GATA2: variants seen among roughly 807,000 people sequenced by gnomAD.
GATA2 encodes the protein endothelial transcription factor GATA-2.
In GATA2, 6 loss-of-function variants were observed where a neutral mutation model predicts 35.7. The ratio of observed to expected loss-of-function variants is 0.17; its 90% CI spans 0.09 to 0.33. The LOEUF is 0.33. Ranked by LOEUF, GATA2 falls within the 10% of genes least tolerant of loss-of-function variation. The probability of loss-of-function intolerance (pLI) is 1.00; values close to 1 mark genes in which losing one functional copy is unlikely to be tolerated. For missense variants in GATA2, 541 were observed against 656.6 expected (o/e 0.82, Z 1.92); for synonymous variants, 313 against 274.9 (o/e 1.14, Z -1.37).
chr3:128,480,826 T>G lies in GATA2; in HGVS notation c.*193A>C. ...AAACCCCACCTGGGCAGCGGTCAGGTGCGGAGGCAGCCTCTCAGCGGTGGG... is the reference window on the plus strand; with the variant it reads ...AAACCCCACCTGGGCAGCGGTCAGGGGCGGAGGCAGCCTCTCAGCGGTGGG... On this transcript the variant is annotated 3_prime_UTR_variant, in exon 6 of 6. Coordinates refer to ENST00000341105, the MANE Select transcript of GATA2 (RefSeq NM_032638.5). 1 of 621,872 alleles carries G rather than the reference T, an allele frequency of 1.6e-6. No individual in the cohort carries two copies. The highest frequency in any genetic ancestry group is 2.4e-5 in the South Asian group (1 of 41,480). 38.5% of individuals were successfully genotyped at this position (621,872 alleles called of 1,614,324 possible).
chr3:128,480,196 G>A lies in GATA2; in HGVS notation c.*823C>T, dbSNP rs1259627706. 1 of 233,192 alleles carries A rather than the reference G, an allele frequency of 4.3e-6. No individual in the cohort carries two copies. The highest frequency in any genetic ancestry group is 5.6e-5 in the Admixed American group (1 of 17,782). 14.4% of individuals were successfully genotyped at this position (233,192 alleles called of 1,614,324 possible). A position where few individuals can be genotyped will look rare whatever the true frequency, so the allele number is the denominator to read the frequency against. On this transcript the variant is annotated 3_prime_UTR_variant, in exon 6 of 6. Transcript: ENST00000341105. The stretch of plus-strand genomic sequence containing the variant: ...TTTTTCTTTTGTCTCAGAGTAGGAG[G>A]CGAGGGGGTTGAAGGGTTAGCAGAA...
rs369407958 is a variant in GATA2 at position 128,481,086 on chromosome 3, A to T, written c.1376T>A (p.Ile459Asn). 2.5e-6 allele frequency: 4 copies of T among 1,608,412 alleles called. No individual in the cohort carries two copies. The highest frequency in any genetic ancestry group is 2.7e-5 in the African/African-American group (2 of 74,828). Residue 459 changes from isoleucine (I) to asparagine (N), a missense_variant, in exon 6 of 6, where the codon ATC (isoleucine) becomes AAC (asparagine). By Grantham distance (149) the Ile-to-Asn change is moderately radical (BLOSUM62 -3). Around this residue, in one of 5 missense-constraint regions of GATA2, gnomAD observed 95 missense variants for 114.0 expected, o/e 0.83. Transcript: ENST00000341105. ...SGHILPTPTPIHPSSSLSFGH... is the reference protein window; with the variant it reads ...SGHILPTPTPNHPSSSLSFGH... ...GAAGGAGAGGCTGGAGGAGGGGTGG[A>T]TGGGCGTCGGAGTGGGCAGGATGTG...
rs367955980 is a variant in GATA2, at chr3:128,485,784, C to G, written c.814G>C (p.Gly272Arg). Residue 272 changes from glycine to arginine, a missense_variant, in exon 3 of 6, where the codon GGG (glycine) becomes CGG (arginine). Gly to Arg is a moderately radical substitution (Grantham distance 125). Coordinates refer to ENST00000341105, the MANE Select transcript of GATA2 (RefSeq NM_032638.5). ...GGGGTGAAGCTGGAGGCCGGTCCCCCCAGGAAGCCTCCGGGGTGGAAGAGT... is the reference window on the plus strand; with the variant it reads ...GGGGTGAAGCTGGAGGCCGGTCCCCGCAGGAAGCCTCCGGGGTGGAAGAGT... ...SGLFHPGGFL[G>R]GPASSFTPKQ... 4 of 1,614,000 alleles carry G rather than the reference C, an allele frequency of 2.5e-6. No homozygotes were observed. The highest frequency in any genetic ancestry group is 2.2e-5 in the East Asian group (1 of 44,876).
chr3:128,484,568 G>A (rs1576747425), intron 3 of GATA2, among the ~76,000 whole-genome samples: 1 of 152,090 alleles, frequency 6.6e-6, no homozygotes. Flanking sequence ...GGAAATAATG[G>A]ATCGAAGTTG....
At chr3:128,483,058 C>T (rs2068651017) in intron 4 of GATA2, among the ~76,000 whole-genome samples, 1 of 152,232 alleles carries the variant, frequency 6.6e-6, no homozygotes, top group Non-Finnish European at 1.5e-5. Context: ...ACGCCGCGTC[C>T]TCCACCTCTA....
rs185363833 is a variant in GATA2, at chr3:128,488,744, G to A, written c.-45-1668C>T. Among the ~76,000 whole-genome samples, 10 of 152,226 alleles carry A rather than the reference G, an allele frequency of 6.6e-5. No individual in the cohort carries two copies. The East Asian group carries it at 1.2e-3, about 18-fold the overall frequency. On this transcript the variant is annotated intron_variant, in intron 1 of 5. Coordinates refer to ENST00000341105, the MANE Select transcript of GATA2 (RefSeq NM_032638.5). The surrounding 1 kb of genome is among the most constrained non-coding windows in gnomAD (Gnocchi z 5.8). ...AGGTGGCCTCTGGTGAGGGGGAGGCGGTGGTCTGAGGTCTCCGTCTTCTAA... is the reference window on the plus strand; with the variant it reads ...AGGTGGCCTCTGGTGAGGGGGAGGCAGTGGTCTGAGGTCTCCGTCTTCTAA...
At chr3:128,491,932 C>T (rs1347857548) in intron 1 of GATA2, 1 of 152,230 alleles carries the variant, frequency 6.6e-6, no homozygotes, top group African/African-American at 2.4e-5. Context: ...TCGTTAGGCA[C>T]AATTTGTCTG....
At chr3:128,490,654 C>G (rs1172675666) in intron 1 of GATA2, 3 of 152,236 alleles carry the variant, frequency 2.0e-5, no homozygotes, top group Non-Finnish European at 4.4e-5. Context: ...TCGACAATGT[C>G]TGTGTGTGCC....
In GATA2 at chr3:128,481,935, T is replaced by C; in HGVS notation, c.1027A>G (p.Arg343Gly). 1 of 1,613,522 alleles carries C rather than the reference T, an allele frequency of 6.2e-7. No homozygotes were observed. The highest frequency in any genetic ancestry group is 2.2e-5 in the East Asian group (1 of 44,854). ...IKPKRRLSAARRAGTCCANCQ... is the reference protein window; with the variant it reads ...IKPKRRLSAAGRAGTCCANCQ... ...TTTGCACAACAGGTGCCGGCTCTTCTGGCGGCCGACTGGGAGGGCAAGGCA... is the reference window on the plus strand; with the variant it reads ...TTTGCACAACAGGTGCCGGCTCTTCCGGCGGCCGACTGGGAGGGCAAGGCA... Residue 343 changes from arginine to glycine, a missense_variant, in exon 5 of 6, where the codon AGA becomes GGA. Physicochemically the swap from Arg to Gly is moderately radical, Grantham distance 125. Coordinates refer to ENST00000341105, the MANE Select transcript of GATA2 (RefSeq NM_032638.5).
At position 128,488,506 on chromosome 3, in the gene GATA2, C is replaced by G. The variant is rs529078261; in HGVS notation, c.-45-1430G>C. The G allele has an allele frequency of 6.6e-6, 1 of 152,344 alleles. No individual in the cohort carries two copies. The highest frequency in any genetic ancestry group is 2.4e-5 in the African/African-American group (1 of 41,450). The allele number at this position is 152,344 out of a possible 1,614,324, so 9.4% of individuals were successfully genotyped here. ...GGCACCTGGGCCTCGGACACGCGGCCGCTCAGGGCTGTGCTTGACCCAGTG... is the reference window on the plus strand; with the variant it reads ...GGCACCTGGGCCTCGGACACGCGGCGGCTCAGGGCTGTGCTTGACCCAGTG... On this transcript the variant is annotated intron_variant, in intron 1 of 5. Transcript: ENST00000341105. This position sits in a 1 kb window ranked among gnomAD's most constrained non-coding sequence, Gnocchi z 5.8.
At chr3:128,486,423 G>A (rs909297851) in intron 2 of GATA2, 55 bp from the exon 3 acceptor site, 10 of 1,562,718 alleles carry the variant, frequency 6.4e-6, no homozygotes, top group Admixed American at 3.7e-5. Context: ...GGTAGGCAGA[G>A]CTAGGGACGC....
chr3:128,491,911 G>T (rs2068772919), intron 1 of GATA2: 1 of 152,242 alleles, frequency 6.6e-6, no homozygotes, highest in Non-Finnish European at 1.5e-5. Flanking sequence ...CTGACAACTG[G>T]TAAATCCGTT....
chr3:128,482,085 C>T (rs2068638243), intron 4 of GATA2, 141 bp from the exon 5 acceptor site: 3 of 1,081,790 alleles, frequency 2.8e-6, no homozygotes, highest in South Asian at 1.5e-5. Context: ...CATCTCAGAA[C>T]CATGGAATTT....
At chr3:128,486,588 C>A (rs1009979946) in intron 2 of GATA2, among the ~76,000 whole-genome samples, 2 of 152,170 alleles carry the variant, frequency 1.3e-5, no homozygotes, top group Non-Finnish European at 2.9e-5. Flanking sequence ...ACAGACCCTA[C>A]AGGGAACCCT....
Position 128,486,123 on chromosome 3 carries a change from G to A in GATA2, c.475C>T (p.Leu159Phe). The part of the protein sequence containing the change: ...GGGSGSSVAS[L>F]TPTAAHSGSH... ...CCAGAGTGGGCTGCTGTAGGGGTGA[G>A]GGAGGCCACTGAGCTCCCGCTGCCT... The change falls in exon 3 of 6, where the codon CTC becomes TTC. Residue 159 changes from leucine (L) to phenylalanine (F), a missense_variant. Coordinates refer to ENST00000341105, the MANE Select transcript of GATA2 (RefSeq NM_032638.5). 2 of 1,610,772 alleles carry A rather than the reference G, an allele frequency of 1.2e-6. No individual in the cohort carries two copies. The highest frequency in any genetic ancestry group is 1.7e-6 in the Non-Finnish European group (2 of 1,179,054).
Position 128,484,057 on chromosome 3 carries a change from G to A in GATA2, c.872-52C>T, listed in dbSNP as rs771789055. 6.3e-6 allele frequency: 10 copies of A among 1,598,070 alleles called. No individual in the cohort carries two copies. In the South Asian group the frequency reaches 6.6e-5, roughly 11 times the overall value. On this transcript the variant is annotated intron_variant, in intron 3 of 5. Coordinates refer to ENST00000341105, the MANE Select transcript of GATA2 (RefSeq NM_032638.5). ...GGGCCTGCTTAACCGGCAAGTTCTCGGGAGGGAGTCCAGGGCAGGAAAGCA... is the reference window on the plus strand; with the variant it reads ...GGGCCTGCTTAACCGGCAAGTTCTCAGGAGGGAGTCCAGGGCAGGAAAGCA...
rs2068731615 is a variant in GATA2 at position 128,488,163 on chromosome 3, C to T, written c.-45-1087G>A. ...GGGACCCTCACCCCAAGGCCCGACC[C>T]CTGCAGCCCCTCTTGCGAACACTCC... On this transcript the variant is annotated intron_variant, in intron 1 of 5. Coordinates refer to ENST00000341105, the MANE Select transcript of GATA2 (RefSeq NM_032638.5). The surrounding 1 kb of genome is among the most constrained non-coding windows in gnomAD (Gnocchi z 5.8). Among the ~76,000 whole-genome samples, 1 of 152,140 alleles carries T rather than the reference C, an allele frequency of 6.6e-6. No individual in the cohort carries two copies.
intron 3 of GATA2, 88 bp downstream of exon 3, chr3:128,485,639 A>G: frequency 6.7e-7 from 1 of 1,497,336 alleles, no homozygotes; most frequent in Non-Finnish European, 9.1e-7. Context: ...TGGGAAACCA[A>G]CACTGCCACC....
intron 4 of GATA2, among the ~76,000 whole-genome samples, chr3:128,482,367 G>A (rs1484374330): frequency 6.6e-6 from 1 of 152,122 alleles, no homozygotes; most frequent in South Asian, 2.1e-4. Context: ...GCACGACTCC[G>A]CTCAAAATCC....
Sources: allele counts gnomAD v4.1 joint callset (sites outside exome capture counted in the v4.1 genomes callset), GRCh38; gene constraint gnomAD v4.1.1; regional missense constraint gnomAD v4.1.1; non-coding constraint Gnocchi (gnomAD v3.1); transcripts MANE v1.5; gene names NCBI Gene and HGNC (gene_info 2026-07-23, HGNC 2026-07-21).